Variants in ADCY2 observed in about 807,000 individuals in gnomAD.
The protein encoded by ADCY2 is adenylate cyclase 2.
A neutral mutation model predicts 125.2 loss-of-function variants in ADCY2; 31 were observed. The ratio of observed to expected loss-of-function variants is 0.25; its 90% CI spans 0.19 to 0.33. The LOEUF is 0.33. Ranked by LOEUF, ADCY2 falls within the 10% of genes least tolerant of loss-of-function variation. The pLI is 1.00. For synonymous variants in ADCY2, 512 were observed against 548.4 expected (o/e 0.93, Z 0.93); for missense variants, 904 against 1,418.2 (o/e 0.64, Z 5.82).
At chr5:7,687,610 C>T (rs1303978290) in intron 4 of ADCY2, among the ~76,000 whole-genome samples, 1 of 152,152 alleles carries the variant, frequency 6.6e-6, no homozygotes, top group Non-Finnish European at 1.5e-5. Flanking sequence ...AATGTGCCGA[C>T]CGATTTCTCA....
chr5:7,699,158 C>T (rs1473898974), intron 7 of ADCY2, among the ~76,000 whole-genome samples: 5 of 113,000 alleles, frequency 4.4e-5, no homozygotes, highest in Admixed American at 1.3e-4. Context: ...AGTGCAGTGG[C>T]GGGATCTCGG....
intron 4 of ADCY2, among the ~76,000 whole-genome samples, chr5:7,678,350 A>G (rs969466532): frequency 1.3e-5 from 2 of 152,220 alleles, no homozygotes; most frequent in African/African-American, 4.8e-5. Flanking sequence ...TTGTACCTAC[A>G]GAATAACAGA....
chr5:7,635,774 G>A (rs1738479234), intron 4 of ADCY2, among the ~76,000 whole-genome samples: 1 of 152,176 alleles, frequency 6.6e-6, no homozygotes, highest in Admixed American at 6.5e-5. Context: ...CAGGAATAGA[G>A]GAAGATGAAG....
chr5:7,795,473 C>A (rs1305526305), intron 20 of ADCY2: 1 of 152,234 alleles, frequency 6.6e-6, no homozygotes, highest in Admixed American at 6.5e-5. Context: ...CCTTCCCAGC[C>A]CCCTCTCAGC....
At chr5:7,421,446 G>C (rs369918968) in intron 2 of ADCY2, among the ~76,000 whole-genome samples, 85 of 152,284 alleles carry the variant, frequency 5.6e-4, no homozygotes, top group Non-Finnish European at 1.1e-3. Context: ...GTCTTCACGT[G>C]GTAGCTCCTC....
intron 4 of ADCY2, among the ~76,000 whole-genome samples, chr5:7,675,106 C>A (rs1304087516): frequency 6.7e-6 from 1 of 149,724 alleles, no homozygotes. Context: ...CGCAGTGAGC[C>A]GAGATAGCGC....
intron 2 of ADCY2, among the ~76,000 whole-genome samples, chr5:7,442,417 A>G (rs1424872497): frequency 1.3e-5 from 2 of 152,010 alleles, no homozygotes; most frequent in Non-Finnish European, 2.9e-5. Flanking sequence ...GGTACCTCTA[A>G]TGGCTTCATT....
At chr5:7,674,937 C>A (rs976840288) in intron 4 of ADCY2, among the ~76,000 whole-genome samples, 1 of 152,030 alleles carries the variant, frequency 6.6e-6, no homozygotes, top group Non-Finnish European at 1.5e-5. Flanking sequence ...GGGCGGATCA[C>A]GAGGTCAGGA....
In ADCY2 at chr5:7,591,130, C is replaced by T. The variant is rs186824806; in HGVS notation, c.571-35037C>T. 6.5e-3 allele frequency among the ~76,000 whole-genome samples: 995 copies of T among 152,244 alleles called. 3 individuals are homozygous for T. Among genetic ancestry groups the T allele is most frequent in the African/African-American group, 9.0e-3 (372 of 41,554 alleles). ...AATTAGAATAGTTTATGGAATTATA[C>T]ATAATTCAGTTGATCACTATCTAAA... On this transcript the variant is annotated intron_variant, in intron 3 of 24. Coordinates refer to ENST00000338316, the MANE Select transcript of ADCY2 (RefSeq NM_020546.3).
chr5:7,769,427 G>GT (rs1743493465), intron 17 of ADCY2, among the ~76,000 whole-genome samples: 1 of 152,030 alleles, frequency 6.6e-6, no homozygotes, highest in African/African-American at 2.4e-5. Context: ...ATACAAAACA[G>GT]TATTATTTTA....
intron 2 of ADCY2, among the ~76,000 whole-genome samples, chr5:7,488,230 C>G (rs1561052893): frequency 6.6e-6 from 1 of 152,166 alleles, no homozygotes; most frequent in South Asian, 2.1e-4. Flanking sequence ...AATAGAGTTC[C>G]CCTGCACAAG....
intron 14 of ADCY2, among the ~76,000 whole-genome samples, chr5:7,739,789 A>G (rs2126424443): frequency 6.6e-6 from 1 of 152,056 alleles, no homozygotes; most frequent in Middle Eastern, 3.4e-3. Context: ...AATGCCATAA[A>G]TTACTTGAGG....
rs576634653 is a variant in ADCY2, at chr5:7,468,129, A to G, written c.409-52609A>G. ...ATTTTAAAAAATCAATCCCTTCCTT[A>G]TAAGTTTGTATGATCTCAGTTTAAT... On this transcript the variant is annotated intron_variant, in intron 2 of 24. Transcript: ENST00000338316. 2.0e-5 allele frequency among the ~76,000 whole-genome samples: 3 copies of G among 152,348 alleles called. No individual in the cohort carries two copies. In the East Asian group the frequency reaches 5.8e-4, roughly 29 times the overall value.
intron 4 of ADCY2, among the ~76,000 whole-genome samples, chr5:7,644,762 T>C (rs1242842199): frequency 6.6e-6 from 1 of 152,186 alleles, no homozygotes; most frequent in Non-Finnish European, 1.5e-5. Context: ...TTAATTGCTC[T>C]GTTATATAAT....
intron 11 of ADCY2, among the ~76,000 whole-genome samples, chr5:7,715,876 C>T (rs2126373847): frequency 6.6e-6 from 1 of 152,252 alleles, no homozygotes; most frequent in African/African-American, 2.4e-5. Flanking sequence ...CAATTCTGAA[C>T]TCAGGAAAGT....
intron 7 of ADCY2, among the ~76,000 whole-genome samples, chr5:7,705,982 G>C (rs1473191344): frequency 6.6e-6 from 1 of 152,058 alleles, no homozygotes; most frequent in Admixed American, 6.5e-5. Flanking sequence ...TGCTGCAGTC[G>C]GCATCGTTGC....
At chr5:7,461,099 C>A (rs1741902068) in intron 2 of ADCY2, among the ~76,000 whole-genome samples, 1 of 152,146 alleles carries the variant, frequency 6.6e-6, no homozygotes, top group African/African-American at 2.4e-5. Flanking sequence ...TTCTCAGGGG[C>A]AGCTGGTCCA....
At chr5:7,498,743 G>A (rs541938841) in intron 2 of ADCY2, among the ~76,000 whole-genome samples, 1 of 152,088 alleles carries the variant, frequency 6.6e-6, no homozygotes, top group Non-Finnish European at 1.5e-5. Context: ...GCAGCACTGT[G>A]GTAGTAGTTT....
intron 7 of ADCY2, among the ~76,000 whole-genome samples, chr5:7,701,994 T>G (rs1741092353): frequency 6.6e-6 from 1 of 152,224 alleles, no homozygotes; most frequent in African/African-American, 2.4e-5. Flanking sequence ...AATCCTCAAG[T>G]CAGGCAATGG....
Sources: gnomAD v4.1 joint callset for allele counts (sites outside exome capture counted in the v4.1 genomes callset) on GRCh38, gnomAD v4.1.1 for gene constraint, MANE v1.5 for transcripts, NCBI Gene and HGNC (gene_info 2026-07-23, HGNC 2026-07-21) for gene names.